The following GRIN2B variants were observed in gnomAD, a reference collection of about 807,000 sequenced individuals.
The protein encoded by GRIN2B is glutamate receptor ionotropic, NMDA 2B.
A neutral mutation model predicts 114.5 loss-of-function variants in GRIN2B; 5 were observed. The observed-to-expected ratio is 0.04, with a 90% CI of 0.02 to 0.09. GRIN2B has a LOEUF of 0.09. Ranked by LOEUF, GRIN2B falls within the 10% of genes least tolerant of loss-of-function variation. The probability of loss-of-function intolerance (pLI) is 1.00; values close to 1 mark genes in which losing one functional copy is unlikely to be tolerated. For missense variants in GRIN2B, 1,108 were observed against 1,943.5 expected, an observed-to-expected ratio of 0.57 and a Z score of 8.08; for synonymous variants, 787 against 745.1, an observed-to-expected ratio of 1.06 and a Z score of -0.92.
intron 2 of GRIN2B, among the ~76,000 whole-genome samples, chr12:13,880,587 G>C (rs1186501613): frequency 6.6e-6 from 1 of 152,168 alleles, no homozygotes; most frequent in Admixed American, 6.5e-5. Context: ...TTCCTTCCCT[G>C]CCTCCCAAAA....
At chr12:13,699,180 G>C (rs537916005) in intron 4 of GRIN2B, among the ~76,000 whole-genome samples, 1 of 152,122 alleles carries the variant, frequency 6.6e-6, no homozygotes, top group Non-Finnish European at 1.5e-5. Flanking sequence ...ACTTTCTTCT[G>C]TTCTGATTTT....
At chr12:13,683,197 G>C (rs182819136) in intron 4 of GRIN2B, among the ~76,000 whole-genome samples, 1 of 152,096 alleles carries the variant, frequency 6.6e-6, no homozygotes, top group East Asian at 1.9e-4. Context: ...TCAAATGAAT[G>C]AAAAAAATCT....
chr12:13,620,392 G>T (rs1949499331), intron 5 of GRIN2B, among the ~76,000 whole-genome samples: 1 of 152,118 alleles, frequency 6.6e-6, no homozygotes. Context: ...TTGTTCAAGG[G>T]TGTCAGGCTG....
chr12:13,807,357 A>G (rs910033598), intron 3 of GRIN2B, among the ~76,000 whole-genome samples: 2 of 152,102 alleles, frequency 1.3e-5, no homozygotes, highest in Non-Finnish European at 2.9e-5. Context: ...ACCACTTCAT[A>G]TAAGAGGGCC....
intron 4 of GRIN2B, among the ~76,000 whole-genome samples, chr12:13,735,701 C>T (rs140069497): frequency 2.4e-4 from 36 of 152,260 alleles, no homozygotes; most frequent in African/African-American, 7.9e-4. Flanking sequence ...TACAGGATCA[C>T]GCCCTAATCT....
rs369920256 is a variant in GRIN2B, at chr12:13,714,785, T to C, written c.1010+38532A>G. On this transcript the variant is annotated intron_variant, in intron 4 of 13. Transcript: ENST00000609686. ...TTAAGGGGTACATATGCAGTTTTGA[T>C]ACATGCACAGATTGTGTAGTGGTCA... Among the ~76,000 whole-genome samples, 9 of 152,060 alleles carry C rather than the reference T, an allele frequency of 5.9e-5. No homozygotes were observed. In the East Asian group the frequency reaches 1.4e-3, roughly 23 times the overall value.
At chr12:13,782,576 T>C (rs1241371503) in intron 3 of GRIN2B, among the ~76,000 whole-genome samples, 1 of 152,220 alleles carries the variant, frequency 6.6e-6, no homozygotes, top group Non-Finnish European at 1.5e-5. Flanking sequence ...CTCTCAGCTC[T>C]TGTTTTAAGA....
At position 13,559,740 on chromosome 12, in the gene GRIN2B, T is replaced by G. The variant is rs1948518012; in HGVS notation, c.*3043A>C. 6.6e-6 allele frequency: 1 copy of G among 152,224 alleles called. No individual in the cohort carries two copies. The highest frequency in any genetic ancestry group is 2.4e-5 in the African/African-American group (1 of 41,442). 9.4% of individuals were successfully genotyped at this position (152,224 alleles called of 1,614,324 possible). A position where few individuals can be genotyped will look rare whatever the true frequency, so the allele number is the denominator to read the frequency against. ...AAAAAGTAGAGTTAGTGGAGATTTT[T>G]CCACGTGTGTTTGCCAGGCTGACTT... On this transcript the variant is annotated 3_prime_UTR_variant, in exon 14 of 14. Coordinates refer to ENST00000609686, the MANE Select transcript of GRIN2B (RefSeq NM_000834.5).
chr12:13,595,972 A>T (rs970818031), intron 10 of GRIN2B, among the ~76,000 whole-genome samples: 9 of 151,878 alleles, frequency 5.9e-5, no homozygotes, highest in South Asian at 2.1e-4. Flanking sequence ...TGGGTGTGTC[A>T]TGTAAAGGCA....
chr12:13,904,492 G>A (rs1866506474), intron 2 of GRIN2B, among the ~76,000 whole-genome samples: 1 of 151,824 alleles, frequency 6.6e-6, no homozygotes, highest in East Asian at 1.9e-4. Context: ...ACTTTTAATT[G>A]CATCACTATT....
intron 10 of GRIN2B, among the ~76,000 whole-genome samples, chr12:13,602,717 T>C (rs1949178019): frequency 6.6e-6 from 1 of 152,192 alleles, no homozygotes; most frequent in South Asian, 2.1e-4. Flanking sequence ...ATGGGACTTC[T>C]TGGAAACCCA....
In GRIN2B at chr12:13,917,801, T is replaced by C. The variant is rs1377024397; in HGVS notation, c.-18-51575A>G. Among the ~76,000 whole-genome samples the C allele has an allele frequency of 2.0e-5, 3 of 152,374 alleles. No homozygotes were observed. The South Asian group carries it at 6.2e-4, about 32-fold the overall frequency. On this transcript the variant is annotated intron_variant, in intron 2 of 13. Coordinates refer to ENST00000609686, the MANE Select transcript of GRIN2B (RefSeq NM_000834.5). ...TTCCATTATTGTGGGAATATCTCACTTTAAGTGGCAATTTCAAAATATGCA... is the reference window on the plus strand; with the variant it reads ...TTCCATTATTGTGGGAATATCTCACCTTAAGTGGCAATTTCAAAATATGCA...
At chr12:13,578,249 A>C (rs1431748791) in intron 10 of GRIN2B, among the ~76,000 whole-genome samples, 1 of 152,110 alleles carries the variant, frequency 6.6e-6, no homozygotes, top group Non-Finnish European at 1.5e-5. Context: ...TCCCCTCCCT[A>C]CCTTGATTCT....
chr12:13,938,893 A>G (rs1867180333), intron 2 of GRIN2B, among the ~76,000 whole-genome samples: 1 of 152,220 alleles, frequency 6.6e-6, no homozygotes, highest in Non-Finnish European at 1.5e-5. Flanking sequence ...TTTTACTTCA[A>G]TAAAGTTGAT....
chr12:13,605,551 T>TCTCTCTCTCTCTCTCTCACACACA, intron 10 of GRIN2B, among the ~76,000 whole-genome samples: 1 of 30,442 alleles, frequency 3.3e-5, no homozygotes, highest in Non-Finnish European at 7.3e-5. Flanking sequence ...TCTCTCTCTC[T>TCTCTCTCTCTCTCTCTCACACACA]GACACACACA....
In GRIN2B at chr12:13,791,446, T is replaced by C. The variant is rs557532547; in HGVS notation, c.412-37531A>G. Among the ~76,000 whole-genome samples the C allele has an allele frequency of 9.0e-4, 120 of 132,628 alleles. 1 individual carries two copies. The highest frequency in any genetic ancestry group is 1.6e-3 in the Non-Finnish European group (94 of 60,334). The allele number at this position is 132,628 out of a possible 152,430, so 87.0% of individuals were successfully genotyped here. A position where few individuals can be genotyped will look rare whatever the true frequency, so the allele number is the denominator to read the frequency against. On this transcript the variant is annotated intron_variant, in intron 3 of 13. Coordinates refer to ENST00000609686, the MANE Select transcript of GRIN2B (RefSeq NM_000834.5). ...CAGCCTGGGTGACAGAGCGAGACTC[T>C]GTCTCAAAAAAAAAAATAAAAAAAA...
chr12:13,886,298 T>C (rs1866155576), intron 2 of GRIN2B, among the ~76,000 whole-genome samples: 1 of 152,192 alleles, frequency 6.6e-6, no homozygotes, highest in African/African-American at 2.4e-5. Context: ...CATACAGAAA[T>C]TGCCTCCAAA....
chr12:13,947,011 C>T (rs182148014), intron 2 of GRIN2B, among the ~76,000 whole-genome samples: 279 of 152,224 alleles, frequency 1.8e-3, no homozygotes, highest in Non-Finnish European at 2.3e-3. Flanking sequence ...GAGAAAAGAG[C>T]AACCATGAAA....
Position 13,615,270 on chromosome 12 carries a change from A to G in GRIN2B, c.1501-3T>C. The G allele has an allele frequency of 2.5e-6, 4 of 1,613,908 alleles. No homozygotes were observed. The highest frequency in any genetic ancestry group is 2.5e-6 in the Non-Finnish European group (3 of 1,179,800). ...ATGTAGGCCCTCTTCATGACCACCT[A>G]AAAGAAAGGCGCGATGCTCCAATTA... On this transcript the variant is annotated splice_polypyrimidine_tract_variant and splice_region_variant and intron_variant, in intron 7 of 13. Transcript: ENST00000609686. The surrounding 1 kb of genome is among the most constrained non-coding windows in gnomAD (Gnocchi z 5.8).
Sources: allele counts gnomAD v4.1 joint callset (sites outside exome capture counted in the v4.1 genomes callset), GRCh38; gene constraint gnomAD v4.1.1; non-coding constraint Gnocchi (gnomAD v3.1); transcripts MANE v1.5; gene names NCBI Gene and HGNC (gene_info 2026-07-23, HGNC 2026-07-21).